Variants in C1GALT1 observed in about 807,000 individuals in gnomAD.
The protein encoded by C1GALT1 is core 1 synthase, glycoprotein-N-acetylgalactosamine 3-beta-galactosyltransferase 1.
In C1GALT1, 11 loss-of-function variants were observed where a neutral mutation model predicts 31.0. The ratio of observed to expected loss-of-function variants is 0.36; its 90% confidence interval spans 0.22 to 0.59. The LOEUF (loss-of-function observed/expected upper bound fraction) is 0.59, where lower values mean the gene tolerates loss of function less well. Among genes scored for constraint, C1GALT1 ranks in the 20% least tolerant of loss-of-function variants. The pLI, the probability that C1GALT1 is intolerant of heterozygous loss-of-function variation, is 0.79. For missense variants in C1GALT1, 424 were observed against 425.2 expected (o/e 1.00, Z 0.03); for synonymous variants, 175 against 143.6 (o/e 1.22, Z -1.56).
At chr7:7,227,051 GT>G (rs1216858325) in intron 1 of C1GALT1, among the ~76,000 whole-genome samples, 1 of 151,986 alleles carries the variant, frequency 6.6e-6, no homozygotes, top group Admixed American at 6.6e-5. Flanking sequence ...ACTCCTTTCT[GT>G]TTTTTTGTAA....
chr7:7,159,848 C>T (rs1780315449), intron 2 of C1GALT1, among the ~76,000 whole-genome samples: 1 of 152,150 alleles, frequency 6.6e-6, no homozygotes, highest in Non-Finnish European at 1.5e-5. Flanking sequence ...AGTATCACTA[C>T]AGTTCATAAA....
chr7:7,235,507 A>G (rs1453036331), intron 2 of C1GALT1, among the ~76,000 whole-genome samples: 1 of 152,212 alleles, frequency 6.6e-6, no homozygotes, highest in Non-Finnish European at 1.5e-5. Context: ...CCTACAGAAC[A>G]GTTTGGTCAC....
At chr7:7,212,282 A>G (rs920519818) in intron 1 of C1GALT1, among the ~76,000 whole-genome samples, 2 of 151,656 alleles carry the variant, frequency 1.3e-5, no homozygotes. Flanking sequence ...CTGTGTAGAC[A>G]AGGTATGATG....
chr7:7,203,087 A>C (rs567647689), intron 1 of C1GALT1, among the ~76,000 whole-genome samples: 1 of 126,778 alleles, frequency 7.9e-6, no homozygotes, highest in Non-Finnish European at 1.6e-5. Flanking sequence ...TATTAGTTCT[A>C]ACAGGTTTTT....
intron 1 of C1GALT1, among the ~76,000 whole-genome samples, chr7:7,194,453 T>C (rs889218086): frequency 6.6e-6 from 1 of 152,162 alleles, no homozygotes; most frequent in African/African-American, 2.4e-5. Context: ...TGTTTTTAAT[T>C]GTTTATGTGG....
At chr7:7,171,496 T>G (rs67493496) in intron 2 of C1GALT1, among the ~76,000 whole-genome samples, 29,904 of 152,000 alleles carry the variant, frequency 0.2, 3,623 homozygotes, top group East Asian at 0.43. Context: ...TTTGTGTCGT[T>G]AAATCTAAAG....
In C1GALT1 at chr7:7,200,509, A is replaced by G. The variant is rs1293661755; in HGVS notation, c.-18+17689A>G. Reference sequence around the variant, plus strand: ...TCTTCTCGAAGAGTATCTTTGTGGCATTCTCTGTATTACCAGAATTTGAAT... The same window carrying G: ...TCTTCTCGAAGAGTATCTTTGTGGCGTTCTCTGTATTACCAGAATTTGAAT... On this transcript the variant is annotated intron_variant, in intron 1 of 3. Transcript: ENST00000436587. 3.9e-5 allele frequency among the ~76,000 whole-genome samples: 6 copies of G among 152,146 alleles called. No homozygotes were observed. In the East Asian group the frequency reaches 1.2e-3, roughly 29 times the overall value.
Position 7,243,800 on chromosome 7 carries a change from A to G in C1GALT1, c.*73A>G, listed in dbSNP as rs1486774326. ...AAAAGGACTTCTGCATTTCTGACAT[A>G]GAACACTGGAATCCCAGTGAGGAAT... On this transcript the variant is annotated 3_prime_UTR_variant, in exon 4 of 4. Transcript: ENST00000436587. 2 of 1,109,862 alleles carry G rather than the reference A, an allele frequency of 1.8e-6. No homozygotes were observed. The highest frequency in any genetic ancestry group is 2.6e-6 in the Non-Finnish European group (2 of 783,894). 68.8% of individuals were successfully genotyped at this position (1,109,862 alleles called of 1,614,324 possible).
chr7:7,204,627 T>C (rs1781658430), intron 1 of C1GALT1, among the ~76,000 whole-genome samples: 1 of 152,120 alleles, frequency 6.6e-6, no homozygotes. Context: ...TTTTCTGGTT[T>C]TTAAAGTTGT....
intron 1 of C1GALT1, among the ~76,000 whole-genome samples, chr7:7,230,081 T>C (rs1782995216): frequency 6.6e-6 from 1 of 152,174 alleles, no homozygotes; most frequent in Non-Finnish European, 1.5e-5. Context: ...CAAACTGGAA[T>C]TACAATTCAG....
At chr7:7,178,510 T>C (rs1310864433), upstream of C1GALT1, among the ~76,000 whole-genome samples, 1 of 152,180 alleles carries the variant, frequency 6.6e-6, no homozygotes, top group East Asian at 1.9e-4. Context: ...AAAAATTGAT[T>C]GAGGAAAAAC....
At chr7:7,211,381 T>C (rs1781996345) in intron 1 of C1GALT1, among the ~76,000 whole-genome samples, 1 of 152,222 alleles carries the variant, frequency 6.6e-6, no homozygotes, top group African/African-American at 2.4e-5. Context: ...TTTTCTCTAC[T>C]TTACTAGAGG....
chr7:7,230,835 C>A (rs1783042584), intron 1 of C1GALT1, among the ~76,000 whole-genome samples: 1 of 151,154 alleles, frequency 6.6e-6, no homozygotes, highest in Admixed American at 6.6e-5. Context: ...CTCTATGGAT[C>A]CTCCTTATAC....
At position 7,230,639 on chromosome 7, in the gene C1GALT1, T is replaced by A. The variant is rs1202385132; in HGVS notation, c.-17-3664T>A. ...TATATTCCCTTTTTTTTTTTTTTTT[T>A]AACATTGCCTTGATTTGGGGTATTT... On this transcript the variant is annotated intron_variant, in intron 1 of 3. Transcript: ENST00000436587. 8.2e-5 allele frequency among the ~76,000 whole-genome samples: 11 copies of A among 134,508 alleles called. No homozygotes were observed. In the East Asian group the frequency reaches 1.2e-3, roughly 14 times the overall value. The allele number at this position is 134,508 out of a possible 152,430, so 88.2% of individuals were successfully genotyped here.
intron 1 of C1GALT1, among the ~76,000 whole-genome samples, chr7:7,195,063 T>A (rs1781225880): frequency 6.6e-6 from 1 of 152,200 alleles, no homozygotes; most frequent in African/African-American, 2.4e-5. Context: ...CTTCTTTGCT[T>A]GGTTAATCTA....
intron 1 of C1GALT1, among the ~76,000 whole-genome samples, chr7:7,209,022 T>A (rs1441743987): frequency 6.6e-6 from 1 of 152,228 alleles, no homozygotes; most frequent in Non-Finnish European, 1.5e-5. Flanking sequence ...GACTCATTCT[T>A]GGTGCTTTCT....
intron 1 of C1GALT1, among the ~76,000 whole-genome samples, chr7:7,223,787 A>T (rs1247734580): frequency 2.0e-5 from 3 of 151,900 alleles, no homozygotes; most frequent in African/African-American, 7.2e-5. Context: ...TACTGGCTAG[A>T]ATTTCCAGTA....
chr7:7,188,107 A>G (rs1425071193), intron 1 of C1GALT1, among the ~76,000 whole-genome samples: 1 of 152,136 alleles, frequency 6.6e-6, no homozygotes, highest in East Asian at 1.9e-4. Flanking sequence ...GATAAATACT[A>G]GAAATGGAGA....
At chr7:7,201,666 C>G (rs1027652891) in intron 1 of C1GALT1, among the ~76,000 whole-genome samples, 1 of 152,234 alleles carries the variant, frequency 6.6e-6, no homozygotes, top group Non-Finnish European at 1.5e-5. Context: ...AGTGCCACTC[C>G]CAAGGTGCCT....
Sources: allele counts gnomAD v4.1 joint callset (sites outside exome capture counted in the v4.1 genomes callset), GRCh38; gene constraint gnomAD v4.1.1; transcripts MANE v1.5; gene names NCBI Gene and HGNC (gene_info 2026-07-23, HGNC 2026-07-21).